Variants in CATSPERB observed in about 807,000 individuals in gnomAD.
CATSPERB encodes the protein cation channel sperm-associated auxiliary subunit beta.
CATSPERB carries 93 observed loss-of-function variants against 128.3 expected under a neutral mutation model. The observed-to-expected ratio is 0.72, with a 90% CI of 0.61 to 0.86. The LOEUF is 0.86. Ranked by LOEUF, CATSPERB falls within the 40% of genes least tolerant of loss-of-function variation. The pLI is 0.00. For synonymous variants in CATSPERB, 381 were observed against 448.8 expected (o/e 0.85, Z 1.91); for missense variants, 1,153 against 1,329.5 (o/e 0.87, Z 2.06).
Position 91,588,028 on chromosome 14 carries a change from T to C in CATSPERB, c.3007A>G (p.Ile1003Val). Residue 1003 changes from isoleucine (I) to valine (V), a missense_variant, in exon 25 of 27, where the codon ATT becomes GTT. Ile to Val is a conservative substitution (Grantham distance 29). Transcript: ENST00000256343. ...IKRMKQLVEP[I>V]LGAAVYNPSG... ...GGATTATACACTGCAGCACCAAGAA[T>C]TGGTTCTACTAATTGTTTCATTCTT... The C allele has an allele frequency of 6.2e-7, 1 of 1,612,398 alleles. No homozygotes were observed. Among genetic ancestry groups the C allele is most frequent in the East Asian group, 2.2e-5 (1 of 44,786 alleles).
At chr14:91,644,339 C>T (rs796972896) in intron 15 of CATSPERB, among the ~76,000 whole-genome samples, 55,926 of 127,394 alleles carry the variant, frequency 0.44, 12,616 homozygotes, top group African/African-American at 0.49. Context: ...GATTTTGCAG[C>T]GGCTGGTACC....
chr14:91,700,239 A>T (rs1895624549), intron 7 of CATSPERB, among the ~76,000 whole-genome samples: 1 of 152,178 alleles, frequency 6.6e-6, no homozygotes, highest in Non-Finnish European at 1.5e-5. Context: ...AGCTTCATCC[A>T]TGTCCTGCAA....
rs768801901 is a variant in CATSPERB, at chr14:91,659,893, TA to T, written c.1375del (p.Tyr459IlefsTer48). 1.2e-6 allele frequency: 2 copies of T among 1,603,160 alleles called. No individual in the cohort carries two copies. Among genetic ancestry groups the T allele is most frequent in the South Asian group, 2.3e-5 (2 of 87,960 alleles). ...DIIKKTFHSF[Y>X]TSAITFVSQR... ...AGAAACAAAAGTAATAGCTGATGTA[TA>T]AAAACTATGAAAAGTCTTCTTTATG... On this transcript the variant is annotated frameshift_variant, in exon 15 of 27. Transcript: ENST00000256343. LOFTEE classifies it high-confidence loss of function.
chr14:91,714,293 GA>G (rs1389596375), intron 5 of CATSPERB, among the ~76,000 whole-genome samples: 8 of 74,010 alleles, frequency 1.1e-4, no homozygotes, highest in East Asian at 5.1e-4. Context: ...AAAAAAAAAA[GA>G]AAAAAAGAAA....
rs759231595 is a variant in CATSPERB, at chr14:91,608,416, T to C, written c.2599-12A>G. ...GGCCTGTAGTTTATCTGCAAGTGAT[T>C]AAACAAAGAAAATGTACAATTCATT... is the stretch of plus-strand genomic sequence containing the variant. On this transcript the variant is annotated splice_polypyrimidine_tract_variant and intron_variant, in intron 21 of 26. Transcript: ENST00000256343. The C allele has an allele frequency of 9.6e-6, 13 of 1,353,304 alleles. No individual in the cohort carries two copies. The African/African-American group carries it at 1.6e-4, about 17-fold the overall frequency. 83.8% of individuals were successfully genotyped at this position (1,353,304 alleles called of 1,614,324 possible).
At chr14:91,689,984 A>T (rs12433187) in intron 10 of CATSPERB, among the ~76,000 whole-genome samples, 8,659 of 152,046 alleles carry the variant, frequency 0.057, 309 homozygotes, top group Non-Finnish European at 0.081. Flanking sequence ...ACTTATTTTT[A>T]ATTTAATTTA....
chr14:91,695,326 T>A lies in CATSPERB; in HGVS notation c.617-1847A>T, dbSNP rs113040395. ...TAGTATTTTTGGTAGGGACAGGGTT[T>A]TGCCATGTTGGCTAGGCTGGTCTTG... On this transcript the variant is annotated intron_variant, in intron 7 of 26. Coordinates refer to ENST00000256343, the MANE Select transcript of CATSPERB (RefSeq NM_024764.4). Among the ~76,000 whole-genome samples, 687 of 152,138 alleles carry A rather than the reference T, an allele frequency of 4.5e-3. 9 individuals are homozygous for A. The highest frequency in any genetic ancestry group is 0.015 in the African/African-American group (642 of 41,504).
rs546976495 is a variant in CATSPERB at position 91,650,827 on chromosome 14, A to T, written c.1432+9010T>A. 4.3e-4 allele frequency among the ~76,000 whole-genome samples: 65 copies of T among 152,176 alleles called. No individual in the cohort carries two copies. The South Asian group carries it at 0.013, about 30-fold the overall frequency. ...ATCCCTACAATTTTGCAGTTCCTGA[A>T]TCTTTAGCATCTATATTTATTATTT... On this transcript the variant is annotated intron_variant, in intron 15 of 26. Coordinates refer to ENST00000256343, the MANE Select transcript of CATSPERB (RefSeq NM_024764.4).
chr14:91,639,706 C>T (rs545244446), intron 15 of CATSPERB, among the ~76,000 whole-genome samples: 466 of 152,242 alleles, frequency 3.1e-3, no homozygotes, highest in African/African-American at 0.011. Context: ...ATCCTTAGGG[C>T]GCCACGTTGA....
rs774759568 is a variant in CATSPERB at position 91,621,815 on chromosome 14, C to T, written c.2053G>A (p.Glu685Lys). 1 of 1,614,176 alleles carries T rather than the reference C, an allele frequency of 6.2e-7. No individual in the cohort carries two copies. Among genetic ancestry groups the T allele is most frequent in the South Asian group, 1.1e-5 (1 of 91,082 alleles). Residue 685 changes from glutamate to lysine, a missense_variant, in exon 19 of 27, where the codon GAA becomes AAA. Glu to Lys is a moderately conservative substitution (Grantham distance 56, BLOSUM62 1). Coordinates refer to ENST00000256343, the MANE Select transcript of CATSPERB (RefSeq NM_024764.4). Reference protein sequence around the residue: ...KNALAIATMPESAPNNMTFLK... With the variant: ...KNALAIATMPKSAPNNMTFLK... ...AAGGTCATATTGTTGGGTGCACTTTCAGGCATGGTAGCAATGGCTAATGCA... is the reference window on the plus strand; with the variant it reads ...AAGGTCATATTGTTGGGTGCACTTTTAGGCATGGTAGCAATGGCTAATGCA...
Position 91,610,565 on chromosome 14 carries a change from A to G in CATSPERB, c.2513T>C (p.Ile838Thr), listed in dbSNP as rs746777991. ...TTCAAATGGGATAAATTTGCTAGGA[A>G]TGTGATGCATAGATCTGAGATAACT... ...SCSYLRSMHHIPSKFIPFEDW... is the reference protein window; with the variant it reads ...SCSYLRSMHHTPSKFIPFEDW... Residue 838 changes from isoleucine (I) to threonine (T), a missense_variant, in exon 21 of 27, where the codon ATT becomes ACT. Ile to Thr is a moderately conservative substitution (Grantham distance 89). Transcript: ENST00000256343. 11 of 1,614,120 alleles carry G rather than the reference A, an allele frequency of 6.8e-6. No individual in the cohort carries two copies. The highest frequency in any genetic ancestry group is 9.3e-6 in the Non-Finnish European group (11 of 1,180,018).
At chr14:91,722,930 C>T in intron 4 of CATSPERB, 119 bp downstream of exon 4, 1 of 711,700 alleles carries the variant, frequency 1.4e-6, no homozygotes, top group Non-Finnish European at 2.0e-6. Context: ...TATCAGTGGG[C>T]TTAAAACATA....
At chr14:91,680,660 C>T (rs531646209) in intron 11 of CATSPERB, among the ~76,000 whole-genome samples, 1 of 151,878 alleles carries the variant, frequency 6.6e-6, no homozygotes, top group South Asian at 2.1e-4. Context: ...CACTGGAGGG[C>T]ATGACAGACC....
At chr14:91,673,062 A>G in intron 12 of CATSPERB, 46 bp from the exon 13 acceptor site, 1 of 1,488,246 alleles carries the variant, frequency 6.7e-7, no homozygotes, top group Non-Finnish European at 9.1e-7. Flanking sequence ...TTGAAATATA[A>G]GTTCTAATTC....
chr14:91,580,891 A>C lies in CATSPERB; in HGVS notation c.3349T>G (p.Ter1117GlyextTer23). The C allele has an allele frequency of 6.2e-7, 1 of 1,612,394 alleles. No individual in the cohort carries two copies. The highest frequency in any genetic ancestry group is 8.5e-7 in the Non-Finnish European group (1 of 1,178,482). Residue 1117 changes from the stop codon to glycine (G), a stop_lost, in exon 27 of 27, where the codon TGA becomes GGA. Transcript: ENST00000256343. ...ELIHRSKSEE[*>G] ...GAGAAATTATGATCACCATGTGTTC[A>C]CTCTTCAGACTTTGATCTATGAATC...
chr14:91,615,885 C>CT (rs57018442), intron 20 of CATSPERB, among the ~76,000 whole-genome samples: 2 of 142,176 alleles, frequency 1.4e-5, no homozygotes, highest in African/African-American at 2.6e-5. Flanking sequence ...TACAGTTTTC[C>CT]TTTTTTTTTT....
chr14:91,631,231 A>G (rs1266082698), intron 17 of CATSPERB, among the ~76,000 whole-genome samples: 1 of 152,266 alleles, frequency 6.6e-6, no homozygotes, highest in East Asian at 1.9e-4. Context: ...TGCCTAGCAC[A>G]AGACTTGATA....
At chr14:91,649,919 T>C (rs1167284740) in intron 15 of CATSPERB, among the ~76,000 whole-genome samples, 2 of 152,190 alleles carry the variant, frequency 1.3e-5, no homozygotes, top group African/African-American at 2.4e-5. Context: ...CTGAATCACA[T>C]GTAGTCAGGC....
intron 14 of CATSPERB, among the ~76,000 whole-genome samples, chr14:91,667,779 G>C (rs942441582): frequency 4.6e-5 from 7 of 152,180 alleles, no homozygotes; most frequent in Admixed American, 6.5e-5. Flanking sequence ...ACAGGAAAAG[G>C]CTTCTGAAAT....
Sources: allele counts gnomAD v4.1 joint callset (sites outside exome capture counted in the v4.1 genomes callset), GRCh38; gene constraint gnomAD v4.1.1; transcripts MANE v1.5; gene names NCBI Gene and HGNC (gene_info 2026-07-23, HGNC 2026-07-21).